PRTFDC1: variants seen among roughly 807,000 people sequenced by gnomAD.
The protein encoded by PRTFDC1 is phosphoribosyltransferase domain-containing protein 1.
In PRTFDC1, 38 loss-of-function variants were observed where a neutral mutation model predicts 34.6. That is an observed-to-expected ratio of 1.10 (90% CI 0.85 to 1.44). The LOEUF is 1.44. PRTFDC1 is among the 40% of genes most tolerant of loss of function. The pLI, the probability that PRTFDC1 is intolerant of heterozygous loss-of-function variation, is 0.00. For synonymous variants in PRTFDC1, 93 were observed against 98.1 expected (o/e 0.95, Z 0.31); for missense variants, 270 against 283.0 (o/e 0.95, Z 0.33).
rs1847556264 is a variant in PRTFDC1, at chr10:24,855,384, G to A, written c.507-20C>T. ...AACAAACTACCATTAAAAAAGACAT[G>A]CTTTAGTGAACCCAATCAAATCTCT... On this transcript the variant is annotated intron_variant, in intron 6 of 8. Transcript: ENST00000320152. 1 of 1,613,574 alleles carries A rather than the reference G, an allele frequency of 6.2e-7. No homozygotes were observed. The highest frequency in any genetic ancestry group is 1.1e-5 in the South Asian group (1 of 91,024).
At chr10:24,871,667 C>T (rs986167741) in intron 4 of PRTFDC1, among the ~76,000 whole-genome samples, 3 of 147,010 alleles carry the variant, frequency 2.0e-5, no homozygotes, top group Non-Finnish European at 4.5e-5. Flanking sequence ...AAAAGGCAGA[C>T]GAATAAATAA....
intron 3 of PRTFDC1, among the ~76,000 whole-genome samples, chr10:24,904,988 T>TG (rs1848508972): frequency 6.6e-6 from 1 of 152,274 alleles, no homozygotes; most frequent in African/African-American, 2.4e-5. Context: ...GGGTGTGCCA[T>TG]GGGTCCTTCA....
At chr10:24,951,820 T>C (rs1849349967) in intron 1 of PRTFDC1, among the ~76,000 whole-genome samples, 9 of 152,192 alleles carry the variant, frequency 5.9e-5, no homozygotes, top group Admixed American at 5.9e-4. Context: ...TCAGGGTTAA[T>C]GAGGCTCAGT....
chr10:24,868,545 A>G (rs539137476), intron 4 of PRTFDC1, among the ~76,000 whole-genome samples: 1 of 152,324 alleles, frequency 6.6e-6, no homozygotes, highest in East Asian at 1.9e-4. Flanking sequence ...CCTGAGCCCA[A>G]GTGATCACCC....
chr10:24,920,263 T>TTA (rs550895654), intron 3 of PRTFDC1, among the ~76,000 whole-genome samples: 46 of 151,466 alleles, frequency 3.0e-4, no homozygotes, highest in South Asian at 2.7e-3. Flanking sequence ...AAATAAAATG[T>TTA]TATATATATA....
At chr10:24,875,960 A>G (rs932869008) in intron 3 of PRTFDC1, among the ~76,000 whole-genome samples, 1 of 151,138 alleles carries the variant, frequency 6.6e-6, no homozygotes, top group African/African-American at 2.4e-5. Flanking sequence ...GCTGCCAGCA[A>G]TCCTCCTGCC....
intron 3 of PRTFDC1, among the ~76,000 whole-genome samples, chr10:24,880,813 C>CTCTTTCTTTCTTTCTTTCTTTCTTTCTT (rs34113964): frequency 8.7e-6 from 1 of 114,928 alleles, no homozygotes; most frequent in African/African-American, 3.3e-5. Context: ...TACTGTCTTT[C>CTCTTTCTTTCTTTCTTTCTTTCTTTCTT]TCTTTCTTTC....
At chr10:24,864,853 C>T (rs748389578) in intron 4 of PRTFDC1, among the ~76,000 whole-genome samples, 2 of 152,108 alleles carry the variant, frequency 1.3e-5, no homozygotes, top group South Asian at 2.1e-4. Context: ...CGATGGCTCA[C>T]ACCTGTAATC....
At chr10:24,915,220 A>T (rs1235556307) in intron 3 of PRTFDC1, among the ~76,000 whole-genome samples, 2 of 152,222 alleles carry the variant, frequency 1.3e-5, no homozygotes, top group Non-Finnish European at 2.9e-5. Flanking sequence ...AATTTGCACC[A>T]GATGCGTCTT....
intron 3 of PRTFDC1, among the ~76,000 whole-genome samples, chr10:24,923,640 C>T (rs911509369): frequency 4.1e-4 from 62 of 152,322 alleles, no homozygotes; most frequent in African/African-American, 1.5e-3. Context: ...AAAACCCCAT[C>T]TGTAGGTCAC....
At chr10:24,898,049 A>T (rs1414873004) in intron 3 of PRTFDC1, among the ~76,000 whole-genome samples, 1 of 152,178 alleles carries the variant, frequency 6.6e-6, no homozygotes, top group South Asian at 2.1e-4. Context: ...ATTAACAGTG[A>T]TCTTGTAAAG....
At position 24,849,334 on chromosome 10, in the gene PRTFDC1, A is replaced by T. The variant is rs7912596; in HGVS notation, c.*510T>A. 0.36 allele frequency: 54,644 copies of T among 152,632 alleles called. 10,517 individuals carry two copies. The highest frequency in any genetic ancestry group is 0.51 in the South Asian group (2,456 of 4,828). The allele number at this position is 152,632 out of a possible 1,614,324, so 9.5% of individuals were successfully genotyped here. On this transcript the variant is annotated 3_prime_UTR_variant, in exon 9 of 9. Transcript: ENST00000320152. ...GTCAGAAATGCACAAACAGAAATTTATATTAAATTGTCCTTTCCCTCCTTT... is the reference window on the plus strand; with the variant it reads ...GTCAGAAATGCACAAACAGAAATTTTTATTAAATTGTCCTTTCCCTCCTTT...
rs76332210 is a variant in PRTFDC1 at position 24,943,968 on chromosome 10, C to A, written c.49-1532G>T. Among the ~76,000 whole-genome samples the A allele has an allele frequency of 1.3e-3, 192 of 152,294 alleles. 3 individuals carry two copies. In the East Asian group the frequency reaches 0.033, roughly 26 times the overall value. ...AATTTTCCAGCACAACTCCCTACAC[C>A]TTTGCTTCCTGCCTTCAGAATGGTT... On this transcript the variant is annotated intron_variant, in intron 1 of 8. Transcript: ENST00000320152.
At chr10:24,911,439 G>C (rs1401528202) in intron 3 of PRTFDC1, among the ~76,000 whole-genome samples, 3 of 152,154 alleles carry the variant, frequency 2.0e-5, no homozygotes, top group Non-Finnish European at 4.4e-5. Context: ...TTGTATTGCT[G>C]AGTAGTACAC....
At position 24,942,412 on chromosome 10, in the gene PRTFDC1, C is replaced by T. The variant is rs1218385002; in HGVS notation, c.73G>A (p.Asp25Asn). Residue 25 changes from aspartate (D) to asparagine (N), a missense_variant, in exon 2 of 9, where the codon GAC becomes AAC. Physicochemically the swap from Asp to Asn is conservative, Grantham distance 23. Coordinates refer to ENST00000320152, the MANE Select transcript of PRTFDC1 (RefSeq NM_020200.7). ...VVIMDDWPGY[D>N]LNLFTYPQHY... Reference sequence around the variant, plus strand: ...TGTGGGTACGTGAATAAATTCAAGTCATACCCTGGCCAATCATCCATAATC... The same window carrying T: ...TGTGGGTACGTGAATAAATTCAAGTTATACCCTGGCCAATCATCCATAATC... 9.3e-6 allele frequency: 15 copies of T among 1,613,386 alleles called. No homozygotes were observed. Among genetic ancestry groups the T allele is most frequent in the Admixed American group, 1.7e-5 (1 of 60,002 alleles).
chr10:24,849,809 G>A lies in PRTFDC1; in HGVS notation c.*35C>T, dbSNP rs1408820834. ...TCCCAAGTACAGGCGTAAATATGAT[G>A]CTATCTGGGACTTTAGTGGTGAGAA... is the stretch of plus-strand genomic sequence containing the variant. On this transcript the variant is annotated 3_prime_UTR_variant, in exon 9 of 9. Transcript: ENST00000320152. 5.6e-6 allele frequency: 9 copies of A among 1,605,880 alleles called. No individual in the cohort carries two copies. Among genetic ancestry groups the A allele is most frequent in the Non-Finnish European group, 7.7e-6 (9 of 1,172,752 alleles).
rs376292151 is a variant in PRTFDC1, at chr10:24,887,018, C to T, written c.340-14955G>A. 1.7e-4 allele frequency among the ~76,000 whole-genome samples: 23 copies of T among 136,626 alleles called. 2 individuals are homozygous for T. The highest frequency in any genetic ancestry group is 5.4e-4 in the African/African-American group (20 of 36,862). The allele number at this position is 136,626 out of a possible 152,430, so 89.6% of individuals were successfully genotyped here. On this transcript the variant is annotated intron_variant, in intron 3 of 8. Coordinates refer to ENST00000320152, the MANE Select transcript of PRTFDC1 (RefSeq NM_020200.7). ...TCGCTCTGTCGCCCAGGTCGGACTG[C>T]GGACTGCAGTGGCGCAATCTCGGCT...
chr10:24,897,899 G>A (rs1848394039), intron 3 of PRTFDC1, among the ~76,000 whole-genome samples: 1 of 152,150 alleles, frequency 6.6e-6, no homozygotes, highest in African/African-American at 2.4e-5. Context: ...TCAGAGAGGT[G>A]CACAATATTT....
At chr10:24,867,041 G>GGA (rs137880427) in intron 4 of PRTFDC1, among the ~76,000 whole-genome samples, 15 of 131,348 alleles carry the variant, frequency 1.1e-4, no homozygotes, top group South Asian at 5.0e-4. Flanking sequence ...ATGGAGGGAG[G>GGA]GAGAGAGAGA....
Sources: gnomAD v4.1 joint callset for allele counts (sites outside exome capture counted in the v4.1 genomes callset) on GRCh38, gnomAD v4.1.1 for gene constraint, MANE v1.5 for transcripts, NCBI Gene and HGNC (gene_info 2026-07-23, HGNC 2026-07-21) for gene names.